The following FBXO36 variants were observed in gnomAD, a reference collection of about 807,000 sequenced individuals.
FBXO36 encodes F-box protein 36.
A neutral mutation model predicts 17.0 loss-of-function variants in FBXO36; 18 were observed. That is an observed-to-expected ratio of 1.06 (90% CI 0.73 to 1.57). The LOEUF (loss-of-function observed/expected upper bound fraction) is 1.57. Ranked by LOEUF, FBXO36 falls within the 40% of genes most tolerant of loss-of-function variation. FBXO36 has a pLI of 0.00. For missense variants in FBXO36, 229 were observed against 221.9 expected, an observed-to-expected ratio of 1.03 and a Z score of -0.20; for synonymous variants, 83 against 85.3, an observed-to-expected ratio of 0.97 and a Z score of 0.15.
In FBXO36 at chr2:229,990,971, C is replaced by T. The variant is rs1447311410; in HGVS notation, c.206-5780C>T. Among the ~76,000 whole-genome samples the T allele has an allele frequency of 2.0e-5, 3 of 150,740 alleles. No individual in the cohort carries two copies. The Admixed American group carries it at 2.0e-4, about 10-fold the overall frequency. ...CCCTCCCCCGCCCCGAGTTGGGAGT[C>T]TCACTCTGTCACCCAGGCTGGAGTG... On this transcript the variant is annotated intron_variant, in intron 2 of 3. Transcript: ENST00000283946.
chr2:229,954,704 C>T (rs2077076983), intron 1 of FBXO36, among the ~76,000 whole-genome samples: 1 of 151,442 alleles, frequency 6.6e-6, no homozygotes, highest in Non-Finnish European at 1.5e-5. Context: ...CCCGCCATCA[C>T]GCCTGGCTAA....
intron 3 of FBXO36, among the ~76,000 whole-genome samples, chr2:230,008,931 A>G (rs570499076): frequency 9.0e-4 from 137 of 152,358 alleles, no homozygotes; most frequent in Admixed American, 2.8e-3. Context: ...CTGTTTAGCA[A>G]TAACCATTAT....
chr2:229,970,718 T>C (rs1268219160), intron 1 of FBXO36, among the ~76,000 whole-genome samples: 4 of 152,200 alleles, frequency 2.6e-5, no homozygotes, highest in Admixed American at 2.6e-4. Flanking sequence ...TAGATAACTT[T>C]TAGGAGAACT....
chr2:230,005,027 G>A (rs990685381), intron 3 of FBXO36, among the ~76,000 whole-genome samples: 1 of 151,976 alleles, frequency 6.6e-6, no homozygotes, highest in South Asian at 2.1e-4. Flanking sequence ...TAAAACATCA[G>A]TACCTATCAA....
rs537192840 is a variant in FBXO36 at position 229,928,391 on chromosome 2, A to G, written c.96+5782A>G. On this transcript the variant is annotated intron_variant, in intron 1 of 3. Coordinates refer to ENST00000283946, the MANE Select transcript of FBXO36 (RefSeq NM_174899.5). The stretch of plus-strand genomic sequence containing the variant: ...AAAAAGCTGGAATGATGCACTCTTA[A>G]GAGTTACAGATTTTTACTCTCCGCA... Among the ~76,000 whole-genome samples the G allele has an allele frequency of 1.5e-3, 225 of 152,344 alleles. 1 individual carries two copies. The highest frequency in any genetic ancestry group is 2.7e-3 in the South Asian group (13 of 4,830).
Position 229,973,028 on chromosome 2 carries a change from C to T in FBXO36, c.97-3213C>T, listed in dbSNP as rs2077188851. Among the ~76,000 whole-genome samples, 3 of 151,390 alleles carry T rather than the reference C, an allele frequency of 2.0e-5. No homozygotes were observed. The South Asian group carries it at 6.3e-4, about 32-fold the overall frequency. On this transcript the variant is annotated intron_variant, in intron 1 of 3. Coordinates refer to ENST00000283946, the MANE Select transcript of FBXO36 (RefSeq NM_174899.5). ...AGTGAGCCGAGATCCTGCCACTGCA[C>T]TCCAGCCTGGGACAGAGCAAGACTC...
intron 1 of FBXO36, among the ~76,000 whole-genome samples, chr2:229,927,820 A>G (rs953188144): frequency 1.3e-5 from 2 of 151,990 alleles, no homozygotes; most frequent in Non-Finnish European, 2.9e-5. Flanking sequence ...AGTGCATTAG[A>G]GTTGTGGCAC....
At chr2:229,931,279 A>G (rs1300231047) in intron 1 of FBXO36, among the ~76,000 whole-genome samples, 1 of 152,170 alleles carries the variant, frequency 6.6e-6, no homozygotes, top group African/African-American at 2.4e-5. Context: ...TTTCCCAGGT[A>G]AATTGTTCAC....
chr2:229,967,441 T>C (rs1470268088), intron 1 of FBXO36, among the ~76,000 whole-genome samples: 2 of 152,226 alleles, frequency 1.3e-5, no homozygotes, highest in African/African-American at 4.8e-5. Context: ...AGAGAGGGCA[T>C]CCCTGTCTTG....
At chr2:229,969,532 C>G (rs918588958) in intron 1 of FBXO36, among the ~76,000 whole-genome samples, 3 of 151,872 alleles carry the variant, frequency 2.0e-5, no homozygotes, top group Non-Finnish European at 2.9e-5. Flanking sequence ...ACTAAAAATA[C>G]AAAAAATTAG....
chr2:229,966,452 C>T (rs1195863540), intron 1 of FBXO36, among the ~76,000 whole-genome samples: 1 of 152,166 alleles, frequency 6.6e-6, no homozygotes, highest in Non-Finnish European at 1.5e-5. Flanking sequence ...GAAGTCCTTG[C>T]CCATGCCTAT....
At chr2:230,006,041 G>C (rs2077385255) in intron 3 of FBXO36, among the ~76,000 whole-genome samples, 1 of 149,934 alleles carries the variant, frequency 6.7e-6, no homozygotes, top group South Asian at 2.1e-4. Context: ...TTTTTATTTA[G>C]TTCTCATAGA....
Position 229,958,257 on chromosome 2 carries a change from C to CTTT in FBXO36, c.97-17959_97-17957dup, listed in dbSNP as rs1161188534. 2.9e-4 allele frequency among the ~76,000 whole-genome samples: 23 copies of CTTT among 78,694 alleles called. 1 individual carries two copies. Among genetic ancestry groups the CTTT allele is most frequent in the African/African-American group, 6.9e-4 (13 of 18,932 alleles). The allele number at this position is 78,694 out of a possible 152,430, so 51.6% of individuals were successfully genotyped here. On this transcript the variant is annotated intron_variant, in intron 1 of 3. Transcript: ENST00000283946. ...ATTGTTTACAGAGAGCTCTGACTTT[C>CTTT]TTTTTTTTTTTTTTTTTTTTTTTTT...
At chr2:229,954,686 T>A (rs1319380879) in intron 1 of FBXO36, among the ~76,000 whole-genome samples, 1 of 151,354 alleles carries the variant, frequency 6.6e-6, no homozygotes, top group Non-Finnish European at 1.5e-5. Flanking sequence ...TAGCTGGGAC[T>A]ACAGGCACCC....
chr2:229,951,546 G>A (rs1368840781), intron 1 of FBXO36, among the ~76,000 whole-genome samples: 2 of 152,282 alleles, frequency 1.3e-5, no homozygotes, highest in East Asian at 3.9e-4. Context: ...GCCCAGCCCA[G>A]GCTACTTTTT....
In FBXO36 at chr2:229,988,807, C is replaced by T. The variant is rs1473819957; in HGVS notation, c.206-7944C>T. On this transcript the variant is annotated intron_variant, in intron 2 of 3. Coordinates refer to ENST00000283946, the MANE Select transcript of FBXO36 (RefSeq NM_174899.5). ...CCTCCCAAAGTGCTGGGATTATAGGCGTGAGCCACCATGCTGGCCTGTTTT... is the reference window on the plus strand; with the variant it reads ...CCTCCCAAAGTGCTGGGATTATAGGTGTGAGCCACCATGCTGGCCTGTTTT... Among the ~76,000 whole-genome samples, 3 of 147,102 alleles carry T rather than the reference C, an allele frequency of 2.0e-5. No homozygotes were observed. The South Asian group carries it at 6.5e-4, about 32-fold the overall frequency.
In FBXO36 at chr2:230,011,090, C is replaced by A. The variant is rs1249756528; in HGVS notation, c.*206C>A. ...AGTCACCGTCATTCTGAGGTCAAAT[C>A]ATGGCCCGAGGACAAGGGCTGTAAG... is the stretch of plus-strand genomic sequence containing the variant. On this transcript the variant is annotated 3_prime_UTR_variant, in exon 4 of 4. Coordinates refer to ENST00000283946, the MANE Select transcript of FBXO36 (RefSeq NM_174899.5). 7.4e-6 allele frequency: 4 copies of A among 537,050 alleles called. No individual in the cohort carries two copies. Among genetic ancestry groups the A allele is most frequent in the Non-Finnish European group, 1.3e-5 (4 of 307,020 alleles). The allele number at this position is 537,050 out of a possible 1,614,324, so 33.3% of individuals were successfully genotyped here. A position where few individuals can be genotyped will look rare whatever the true frequency, so the allele number is the denominator to read the frequency against.
Position 229,940,631 on chromosome 2 carries a change from T to C in FBXO36, c.96+18022T>C, listed in dbSNP as rs555265808. On this transcript the variant is annotated intron_variant, in intron 1 of 3. Transcript: ENST00000283946. ...CTGCTAAAGTAGCATGGGCCCCTTA[T>C]CCAATACTACTGGTGTCCTTATGTG... Among the ~76,000 whole-genome samples the C allele has an allele frequency of 6.6e-5, 10 of 152,164 alleles. 1 individual carries two copies. The highest frequency in any genetic ancestry group is 1.2e-4 in the Non-Finnish European group (8 of 68,014).
At chr2:229,978,159 G>A (rs1020418373) in intron 2 of FBXO36, among the ~76,000 whole-genome samples, 6 of 152,140 alleles carry the variant, frequency 3.9e-5, no homozygotes, top group Non-Finnish European at 7.4e-5. Context: ...GTGGTGACAC[G>A]TGCCTGTAGT....
Sources: gnomAD v4.1 joint callset for allele counts (sites outside exome capture counted in the v4.1 genomes callset) on GRCh38, gnomAD v4.1.1 for gene constraint, MANE v1.5 for transcripts, NCBI Gene and HGNC (gene_info 2026-07-23, HGNC 2026-07-21) for gene names.